PITPNC1: variants seen among roughly 807,000 people sequenced by gnomAD.
The protein encoded by PITPNC1 is phosphatidylinositol transfer protein cytoplasmic 1.
In PITPNC1, 18 loss-of-function variants were observed where a neutral mutation model predicts 44.7. The ratio of observed to expected loss-of-function variants is 0.40; its 90% CI spans 0.28 to 0.60. The LOEUF is 0.60. Ranked by LOEUF, PITPNC1 falls within the 20% of genes least tolerant of loss-of-function variation. The pLI, the probability that PITPNC1 is intolerant of heterozygous loss-of-function variation, is 0.39. For synonymous variants in PITPNC1, 141 were observed against 149.6 expected (o/e 0.94, Z 0.42); for missense variants, 290 against 418.4 (o/e 0.69, Z 2.68).
rs76872211 is a variant in PITPNC1 at position 67,551,205 on chromosome 17, A to G, written c.198-1052A>G. The stretch of plus-strand genomic sequence containing the variant: ...TAAGTTTTGCCTCTGAAGAAAAACA[A>G]AACATTGCTTTCTGGTTTGCAAAAG... On this transcript the variant is annotated intron_variant, in intron 2 of 8. Coordinates refer to ENST00000581322, the MANE Select transcript of PITPNC1 (RefSeq NM_012417.4). Among the ~76,000 whole-genome samples, 226 of 152,314 alleles carry G rather than the reference A, an allele frequency of 1.5e-3. 5 individuals carry two copies. The East Asian group carries it at 0.037, about 25-fold the overall frequency.
chr17:67,586,462 G>A (rs1214086224), intron 5 of PITPNC1, among the ~76,000 whole-genome samples: 2 of 151,608 alleles, frequency 1.3e-5, no homozygotes, highest in African/African-American at 2.4e-5. Context: ...GGGCGTGGTG[G>A]TGCATGCCTG....
At chr17:67,451,551 G>T (rs1324966293) in intron 1 of PITPNC1, among the ~76,000 whole-genome samples, 5 of 151,720 alleles carry the variant, frequency 3.3e-5, no homozygotes, top group Non-Finnish European at 1.5e-5. Flanking sequence ...CTAGTGATGT[G>T]ATTTACGTCT....
intron 6 of PITPNC1, among the ~76,000 whole-genome samples, chr17:67,642,595 G>T (rs559077061): frequency 6.6e-6 from 1 of 152,242 alleles, no homozygotes; most frequent in South Asian, 2.1e-4. Flanking sequence ...CCAATAATTG[G>T]CATGGCAACT....
At chr17:67,599,036 T>TA (rs1568059523) in intron 5 of PITPNC1, among the ~76,000 whole-genome samples, 17 of 32,888 alleles carry the variant, frequency 5.2e-4, no homozygotes, top group East Asian at 2.1e-3. Context: ...ATATATATAT[T>TA]TTTTTTTTTT....
intron 1 of PITPNC1, among the ~76,000 whole-genome samples, chr17:67,404,475 A>G (rs536809731): frequency 6.6e-6 from 1 of 152,336 alleles, no homozygotes; most frequent in East Asian, 1.9e-4. Context: ...AATAGAACCT[A>G]GATGAGAATG....
At chr17:67,420,493 C>T (rs991101836) in intron 1 of PITPNC1, among the ~76,000 whole-genome samples, 5 of 150,316 alleles carry the variant, frequency 3.3e-5, no homozygotes, top group East Asian at 2.0e-4. Context: ...AGCTCGGTGG[C>T]GCTATCTCGG....
intron 1 of PITPNC1, among the ~76,000 whole-genome samples, chr17:67,395,301 T>A (rs1314472889): frequency 6.6e-6 from 1 of 152,016 alleles, no homozygotes; most frequent in East Asian, 1.9e-4. Context: ...CCACCATGTC[T>A]GGCTAATTTT....
At chr17:67,632,061 T>C (rs928211203) in intron 5 of PITPNC1, 82 bp from the exon 6 acceptor site, 4 of 800,898 alleles carry the variant, frequency 5.0e-6, no homozygotes, top group African/African-American at 1.7e-5. Context: ...AGATGCTCTG[T>C]GTGGGGGTTA....
At chr17:67,428,944 G>A (rs370807781) in intron 1 of PITPNC1, among the ~76,000 whole-genome samples, 19 of 147,734 alleles carry the variant, frequency 1.3e-4, no homozygotes, top group African/African-American at 4.2e-4. Flanking sequence ...GGGTTCAAGC[G>A]ATTCTCCTGC....
intron 1 of PITPNC1, among the ~76,000 whole-genome samples, chr17:67,476,889 C>G (rs891689662): frequency 2.0e-5 from 3 of 152,116 alleles, no homozygotes; most frequent in Non-Finnish European, 4.4e-5. Flanking sequence ...GTCCATGAAC[C>G]AGTCGCATCA....
At chr17:67,534,785 C>A (rs141315697) in intron 2 of PITPNC1, among the ~76,000 whole-genome samples, 1 of 152,194 alleles carries the variant, frequency 6.6e-6, no homozygotes, top group Non-Finnish European at 1.5e-5. Flanking sequence ...CTCCGATTGG[C>A]CCATATGTGA....
In PITPNC1 at chr17:67,512,508, A is replaced by AC. The variant is rs745678437; in HGVS notation, c.49-20294_49-20293insC. Among the ~76,000 whole-genome samples, 602 of 150,640 alleles carry AC rather than the reference A, an allele frequency of 4.0e-3. 10 individuals carry two copies. The highest frequency in any genetic ancestry group is 0.028 in the South Asian group (134 of 4,784). The stretch of plus-strand genomic sequence containing the variant: ...AGAGTGAGACTGTGTCTCAAAAAAA[A>AC]AAAAAAAAAAAAAAACAGCTGGACT... On this transcript the variant is annotated intron_variant, in intron 1 of 8. Transcript: ENST00000581322.
intron 2 of PITPNC1, among the ~76,000 whole-genome samples, chr17:67,533,261 T>TA (rs769881559): frequency 3.9e-5 from 6 of 151,974 alleles, no homozygotes; most frequent in Non-Finnish European, 7.4e-5. Flanking sequence ...ACCCTGACTG[T>TA]AAAAAATATT....
intron 1 of PITPNC1, among the ~76,000 whole-genome samples, chr17:67,479,010 G>A (rs913094785): frequency 2.6e-5 from 4 of 151,778 alleles, no homozygotes; most frequent in Admixed American, 6.6e-5. Context: ...AGGTTACCTC[G>A]GTGTCAAGCA....
intron 5 of PITPNC1, among the ~76,000 whole-genome samples, chr17:67,609,196 CT>C (rs1159532579): frequency 6.6e-6 from 1 of 151,180 alleles, no homozygotes; most frequent in Non-Finnish European, 1.5e-5. Context: ...TTTGAGAAGA[CT>C]TTAGCCTCCC....
chr17:67,460,577 G>A lies in PITPNC1; in HGVS notation c.49-72225G>A, dbSNP rs145053446. On this transcript the variant is annotated intron_variant, in intron 1 of 8. Transcript: ENST00000581322. ...TAGCTGGGATGTGCCACCACGCCTG[G>A]CTAATTTTTGTATTTTTAGTAGAGA... Among the ~76,000 whole-genome samples the A allele has an allele frequency of 7.3e-3, 1,103 of 151,674 alleles. 12 individuals are homozygous for A. Among genetic ancestry groups the A allele is most frequent in the African/African-American group, 0.025 (1,033 of 41,324 alleles).
intron 2 of PITPNC1, among the ~76,000 whole-genome samples, chr17:67,548,594 T>C (rs777845633): frequency 1.3e-5 from 2 of 151,994 alleles, no homozygotes; most frequent in Admixed American, 6.6e-5. Context: ...CTGTCTCAAA[T>C]AAATAAATAA....
At chr17:67,413,381 G>A (rs573684384) in intron 1 of PITPNC1, among the ~76,000 whole-genome samples, 1 of 86,580 alleles carries the variant, frequency 1.2e-5, no homozygotes, top group East Asian at 2.6e-4. Context: ...TCAAGAAAAA[G>A]CACTTTATAA....
intron 1 of PITPNC1, among the ~76,000 whole-genome samples, chr17:67,459,106 TC>T (rs377277795): frequency 1.4e-5 from 2 of 146,670 alleles, no homozygotes; most frequent in Non-Finnish European, 3.0e-5. Context: ...CTTTTTTTTT[TC>T]TTTTTCTTTT....
Sources: allele counts gnomAD v4.1 joint callset (sites outside exome capture counted in the v4.1 genomes callset), GRCh38; gene constraint gnomAD v4.1.1; transcripts MANE v1.5; gene names NCBI Gene and HGNC (gene_info 2026-07-23, HGNC 2026-07-21).